RUNX1T1: variants seen among roughly 807,000 people sequenced by gnomAD.
RUNX1T1 encodes the protein protein CBFA2T1.
Under a neutral mutation model 62.8 loss-of-function variants are expected in RUNX1T1, and 4 were observed. The ratio of observed to expected loss-of-function variants is 0.06; its 90% confidence interval spans 0.03 to 0.15. The LOEUF (loss-of-function observed/expected upper bound fraction) is 0.15, where lower values mean the gene tolerates loss of function less well. RUNX1T1 is among the 10% of genes least tolerant of loss of function. The pLI is 1.00. For synonymous variants in RUNX1T1, 291 were observed against 286.0 expected (o/e 1.02, Z -0.18); for missense variants, 508 against 754.3 (o/e 0.67, Z 3.82).
chr8:92,060,537 A>ATG (rs1563871712), intron 1 of RUNX1T1, among the ~76,000 whole-genome samples: 3 of 120,228 alleles, frequency 2.5e-5, no homozygotes, highest in African/African-American at 9.6e-5. Flanking sequence ...ATATATATAT[A>ATG]TATATATATA....
At chr8:92,017,785 A>T (rs1823305247) in intron 1 of RUNX1T1, 1 of 288,998 alleles carries the variant, frequency 3.5e-6, no homozygotes, top group Non-Finnish European at 5.7e-6. Flanking sequence ...TACTGGTAGG[A>T]GCCAGCTCTT....
rs139807339 is a variant in RUNX1T1, at chr8:92,069,512, A to G, written c.88+6453T>C. Among the ~76,000 whole-genome samples, 3 of 152,272 alleles carry G rather than the reference A, an allele frequency of 2.0e-5. No homozygotes were observed. In the East Asian group the frequency reaches 5.8e-4, roughly 29 times the overall value. ...TCTCTCCACATTGCAAATTATCAAA[A>G]TCTATGCACACATACTAATCTGCCA... is the stretch of plus-strand genomic sequence containing the variant. On this transcript the variant is annotated intron_variant, in intron 2 of 11. Transcript: ENST00000265814.
At chr8:91,956,696 C>T, downstream of RUNX1T1, 1 of 225,596 alleles carries the variant, frequency 4.4e-6, no homozygotes, top group Non-Finnish European at 8.8e-6. Flanking sequence ...GACCCCACCC[C>T]CCAGTGTTAG....
intron 1 of RUNX1T1, among the ~76,000 whole-genome samples, chr8:92,033,655 C>T (rs1158368023): frequency 6.6e-6 from 1 of 152,102 alleles, no homozygotes; most frequent in Admixed American, 6.5e-5. Context: ...ATGTGAACCA[C>T]CATGCCCAGC....
intron 1 of RUNX1T1, among the ~76,000 whole-genome samples, chr8:92,048,146 C>T (rs1280244765): frequency 1.3e-5 from 2 of 152,158 alleles, no homozygotes; most frequent in Non-Finnish European, 2.9e-5. Context: ...AAACAATTAA[C>T]TTTAAATGTA....
At chr8:91,999,080 G>A (rs1176725264) in intron 5 of RUNX1T1, among the ~76,000 whole-genome samples, 1 of 152,176 alleles carries the variant, frequency 6.6e-6, no homozygotes, top group Non-Finnish European at 1.5e-5. Flanking sequence ...ACAAAGATGA[G>A]AGAAACATGG....
At chr8:92,021,146 T>C (rs562122344) in intron 1 of RUNX1T1, among the ~76,000 whole-genome samples, 2 of 152,322 alleles carry the variant, frequency 1.3e-5, no homozygotes, top group Middle Eastern at 3.4e-3. Flanking sequence ...GTTAGTCATA[T>C]TTGAATAAGT....
chr8:92,088,599 T>C (rs1836500464), intron 1 of RUNX1T1, among the ~76,000 whole-genome samples: 1 of 152,218 alleles, frequency 6.6e-6, no homozygotes, highest in Admixed American at 6.5e-5. Context: ...ATTATAGATC[T>C]GCTTTCCTAA....
At chr8:92,060,551 A>ATGTGTG (rs1239294685) in intron 1 of RUNX1T1, among the ~76,000 whole-genome samples, 28 of 95,326 alleles carry the variant, frequency 2.9e-4, no homozygotes, top group African/African-American at 1.0e-3. Flanking sequence ...ATATATATAT[A>ATGTGTG]TATGTGTGTG....
intron 1 of RUNX1T1, among the ~76,000 whole-genome samples, chr8:92,044,552 G>C (rs555889280): frequency 6.4e-4 from 98 of 152,306 alleles, no homozygotes; most frequent in Non-Finnish European, 1.6e-4. Flanking sequence ...CTAAACTCAT[G>C]TTCCATTGCG....
intron 1 of RUNX1T1, among the ~76,000 whole-genome samples, chr8:92,055,670 G>A (rs532048310): frequency 6.6e-6 from 1 of 152,156 alleles, no homozygotes; most frequent in South Asian, 2.1e-4. Flanking sequence ...TAAAAAGTTG[G>A]GTTTTGCCTC....
rs114579150 is a variant in RUNX1T1 at position 91,960,687 on chromosome 8, G to A, written c.1459-170C>T. On this transcript the variant is annotated intron_variant, in intron 10 of 10. Transcript: ENST00000396218. ...ACAAACACTAAACACAGAAGATGCA[G>A]GTTTTGATGGGATGGTTGTCCAAAC... Among the ~76,000 whole-genome samples the A allele has an allele frequency of 6.6e-3, 1,011 of 152,304 alleles. 12 individuals carry two copies. The highest frequency in any genetic ancestry group is 0.023 in the African/African-American group (952 of 41,548).
At chr8:91,979,727 A>G (rs962032029) in intron 8 of RUNX1T1, 25 of 408,982 alleles carry the variant, frequency 6.1e-5, no homozygotes, top group African/African-American at 3.9e-4. Flanking sequence ...GAAAGAACAG[A>G]AAGAGCAATC....
intron 1 of RUNX1T1, among the ~76,000 whole-genome samples, chr8:92,036,505 G>A (rs1827441740): frequency 2.0e-5 from 3 of 152,264 alleles, no homozygotes; most frequent in Admixed American, 1.3e-4. Flanking sequence ...CACTGTGATC[G>A]TCAATGTCAA....
intron 1 of RUNX1T1, among the ~76,000 whole-genome samples, chr8:92,084,417 G>A (rs762190839): frequency 3.3e-5 from 5 of 151,958 alleles, no homozygotes; most frequent in Non-Finnish European, 5.9e-5. Flanking sequence ...CAATGAAAGC[G>A]ACCAAGGTGG....
In RUNX1T1 at chr8:92,097,764, A is replaced by G. The variant is rs73308122; in HGVS notation, c.-86+1816T>C. ...TATTTTGTAAATGCACAGTATTTCT[A>G]TTAGTACCTTGTTTGTTCATTGACT... On this transcript the variant is annotated intron_variant, in intron 1 of 11. Coordinates refer to the RUNX1T1 transcript ENST00000265814. Among the ~76,000 whole-genome samples the G allele has an allele frequency of 7.8e-4, 119 of 152,326 alleles. 1 individual carries two copies. The highest frequency in any genetic ancestry group is 2.8e-3 in the African/African-American group (116 of 41,582).
chr8:92,100,041 A>G (rs552725771), upstream of RUNX1T1, among the ~76,000 whole-genome samples: 1 of 152,322 alleles, frequency 6.6e-6, no homozygotes, highest in African/African-American at 2.4e-5. Flanking sequence ...TCCTCTCAGG[A>G]AAAGAAAATT....
At chr8:92,084,931 A>G (rs1835863498) in intron 1 of RUNX1T1, among the ~76,000 whole-genome samples, 1 of 152,242 alleles carries the variant, frequency 6.6e-6, no homozygotes, top group African/African-American at 2.4e-5. Flanking sequence ...AGAAGCAGCC[A>G]AAGAGAGACT....
chr8:92,038,175 G>C (rs143693399), intron 1 of RUNX1T1, among the ~76,000 whole-genome samples: 11 of 151,972 alleles, frequency 7.2e-5, no homozygotes, highest in African/African-American at 2.4e-4. Context: ...TCAGCCTCCC[G>C]GGTAGATGGG....
Sources: gnomAD v4.1 joint callset for allele counts (sites outside exome capture counted in the v4.1 genomes callset) on GRCh38, gnomAD v4.1.1 for gene constraint, MANE v1.5 for transcripts, NCBI Gene and HGNC (gene_info 2026-07-23, HGNC 2026-07-21) for gene names.